FLT1: variants seen among roughly 807,000 people sequenced by gnomAD.
FLT1 encodes vascular endothelial growth factor receptor 1.
FLT1 carries 49 observed loss-of-function variants against 156.3 expected under a neutral mutation model. That is an observed-to-expected ratio of 0.31 (90% CI 0.25 to 0.40). The LOEUF is 0.40. Ranked by LOEUF, FLT1 falls within the 10% of genes least tolerant of loss-of-function variation. The probability of loss-of-function intolerance (pLI) is 1.00; values close to 1 mark genes in which losing one functional copy is unlikely to be tolerated. For synonymous variants in FLT1, 594 were observed against 583.8 expected, an observed-to-expected ratio of 1.02 and a Z score of -0.25; for missense variants, 1,322 against 1,637.2, an observed-to-expected ratio of 0.81 and a Z score of 3.32.
In FLT1 at chr13:28,379,491, C is replaced by T. The variant is rs76427066; in HGVS notation, c.2116+5394G>A. ...AAAGTGAGGAAGAGTGGTGTCAGGG[C>T]GCAGCAGGAAGTTAGTGCTAACGAG... On this transcript the variant is annotated intron_variant, in intron 14 of 29. Coordinates refer to ENST00000282397, the MANE Select transcript of FLT1 (RefSeq NM_002019.4). Among the ~76,000 whole-genome samples, 985 of 152,180 alleles carry T rather than the reference C, an allele frequency of 6.5e-3. 14 individuals are homozygous for T. In the East Asian group the frequency reaches 0.066, roughly 10 times the overall value.
At chr13:28,412,329 C>CTTTCTTTTCTTTCTTTCT (rs775271915) in intron 10 of FLT1, among the ~76,000 whole-genome samples, 1,500 of 88,956 alleles carry the variant, frequency 0.017, 59 homozygotes, top group African/African-American at 0.032. Flanking sequence ...TTCTTTCTTT[C>CTTTCTTTTCTTTCTTTCT]TTTTCTTTCT....
intron 1 of FLT1, among the ~76,000 whole-genome samples, chr13:28,487,041 A>C (rs924917586): frequency 6.6e-6 from 1 of 152,200 alleles, no homozygotes; most frequent in Non-Finnish European, 1.5e-5. Flanking sequence ...CTAGTTTTGC[A>C]AGCCCACCAG....
chr13:28,472,397 G>A (rs1451249688), intron 1 of FLT1, among the ~76,000 whole-genome samples: 2 of 152,184 alleles, frequency 1.3e-5, no homozygotes, highest in Non-Finnish European at 2.9e-5. Flanking sequence ...AACTCCCACT[G>A]GAGGTCATTA....
chr13:28,488,310 G>T (rs189551269), intron 1 of FLT1, among the ~76,000 whole-genome samples: 4 of 152,270 alleles, frequency 2.6e-5, no homozygotes, highest in Admixed American at 6.5e-5. Flanking sequence ...TGAGGCACAA[G>T]AATCATTTGA....
intron 14 of FLT1, among the ~76,000 whole-genome samples, chr13:28,371,083 C>T (rs750340347): frequency 1.7e-4 from 26 of 152,144 alleles, no homozygotes; most frequent in Admixed American, 5.2e-4. Flanking sequence ...CATAGAAAGA[C>T]CTCCAAGATA....
intron 5 of FLT1, 39 bp from the exon 6 acceptor site, chr13:28,433,994 T>C: frequency 6.2e-7 from 1 of 1,613,964 alleles, no homozygotes; most frequent in Non-Finnish European, 8.5e-7. Context: ...AATTAAGATT[T>C]CATTACACAG....
rs1275775894 is a variant in FLT1 at position 28,303,299 on chromosome 13, G to A, written c.3885C>T (p.Ser1295=). 2 of 1,613,962 alleles carry A rather than the reference G, an allele frequency of 1.2e-6. No individual in the cohort carries two copies. The highest frequency in any genetic ancestry group is 2.7e-5 in the African/African-American group (2 of 74,870). ...SDVSRPSFCH[S]SCGHVSEGKR... Reference sequence around the variant, plus strand: ...TGCCTTCGCTGACGTGCCCACAGCTGGAATGGCAGAAACTGGGCCTGCTGA... The same window carrying A: ...TGCCTTCGCTGACGTGCCCACAGCTAGAATGGCAGAAACTGGGCCTGCTGA... Residue 1295 remains serine, a synonymous_variant, in exon 30 of 30, where the codon TCC becomes TCT. Transcript: ENST00000282397.
intron 10 of FLT1, among the ~76,000 whole-genome samples, chr13:28,417,467 C>A (rs1185933038): frequency 6.6e-6 from 1 of 151,968 alleles, no homozygotes; most frequent in African/African-American, 2.4e-5. Flanking sequence ...GCTCGTTTGG[C>A]CAGATTATAA....
At chr13:28,359,573 G>A (rs921149974) in intron 14 of FLT1, among the ~76,000 whole-genome samples, 16 of 152,050 alleles carry the variant, frequency 1.1e-4, no homozygotes, top group Admixed American at 9.2e-4. Context: ...GCACAGCAAA[G>A]GAAACAATTA....
rs1251995636 is a variant in FLT1 at position 28,387,098 on chromosome 13, A to G, written c.1970-2067T>C. On this transcript the variant is annotated intron_variant, in intron 13 of 29. Transcript: ENST00000282397. The stretch of plus-strand genomic sequence containing the variant: ...TAAAGAGAAGAGAACATTTTAACAT[A>G]AATGTCATTAAGAATCCCAAAGGCC... 3 of 1,035,276 alleles carry G rather than the reference A, an allele frequency of 2.9e-6. No individual in the cohort carries two copies. The East Asian group carries it at 1.8e-4, about 62-fold the overall frequency. 64.1% of individuals were successfully genotyped at this position (1,035,276 alleles called of 1,614,324 possible). A position where few individuals can be genotyped will look rare whatever the true frequency, so the allele number is the denominator to read the frequency against.
In FLT1 at chr13:28,322,910, T is replaced by G; in HGVS notation, c.2833A>C (p.Met945Leu). 1.2e-6 allele frequency: 2 copies of G among 1,614,148 alleles called. No individual in the cohort carries two copies. The highest frequency in any genetic ancestry group is 1.1e-5 in the South Asian group (1 of 91,080). Reference protein sequence around the residue: ...ALHMEPKKEKMEPGLEQGKKP... With the variant: ...ALHMEPKKEKLEPGLEQGKKP... ...TTGCCTTGTTCCAGGCCTGGCTCCA[T>G]TTTTTCTTTCTTAGGCTCCATGTGT... The change falls in exon 21 of 30, where the codon ATG (methionine) becomes CTG (leucine). Residue 945 changes from methionine (M) to leucine (L), a missense_variant. Physicochemically the swap from Met to Leu is conservative, Grantham distance 15 (BLOSUM62 2). Around this residue, in one of 3 missense-constraint regions of FLT1, gnomAD observed 991 missense variants for 1,254.8 expected, o/e 0.79. Transcript: ENST00000282397. This position sits in a 1 kb window ranked among gnomAD's most constrained non-coding sequence, Gnocchi z 4.3.
intron 12 of FLT1, among the ~76,000 whole-genome samples, chr13:28,390,570 A>T (rs1202996279): frequency 1.3e-5 from 2 of 152,068 alleles, no homozygotes; most frequent in East Asian, 3.9e-4. Context: ...TAATTTTTGT[A>T]CTTTTTGGTG....
chr13:28,315,732 T>G (rs1402395030), intron 25 of FLT1, among the ~76,000 whole-genome samples: 1 of 152,218 alleles, frequency 6.6e-6, no homozygotes, highest in Admixed American at 6.5e-5. Context: ...TTTCAGACTA[T>G]ATGAAGATTG....
chr13:28,473,905 G>T (rs1460738428), intron 1 of FLT1, among the ~76,000 whole-genome samples: 4 of 151,966 alleles, frequency 2.6e-5, no homozygotes, highest in Non-Finnish European at 5.9e-5. Flanking sequence ...ATAAAATATG[G>T]CAGATCCTTA....
chr13:28,397,883 T>C (rs1417926146), intron 11 of FLT1, among the ~76,000 whole-genome samples: 1 of 152,054 alleles, frequency 6.6e-6, no homozygotes, highest in Non-Finnish European at 1.5e-5. Flanking sequence ...ATTATATTGT[T>C]CCACTAGACT....
At chr13:28,421,899 G>A (rs899952294) in intron 10 of FLT1, among the ~76,000 whole-genome samples, 1 of 152,172 alleles carries the variant, frequency 6.6e-6, no homozygotes, top group African/African-American at 2.4e-5. Context: ...TTAAAGAACT[G>A]GCCAAGGTCA....
Position 28,467,500 on chromosome 13 carries a change from CA to C in FLT1, c.161+20del. 6.5e-7 allele frequency: 1 copy of C among 1,532,540 alleles called. No homozygotes were observed. The allele number at this position is 1,532,540 out of a possible 1,614,324, so 94.9% of individuals were successfully genotyped here. ...TTAGGCATGGCAACTAGATTATTCC[CA>C]AACCAACACAGCCACTTACCTGCAT... On this transcript the variant is annotated intron_variant, in intron 2 of 29. Coordinates refer to ENST00000282397, the MANE Select transcript of FLT1 (RefSeq NM_002019.4).
chr13:28,476,501 G>A (rs1880555963), intron 1 of FLT1, among the ~76,000 whole-genome samples: 1 of 152,174 alleles, frequency 6.6e-6, no homozygotes, highest in Non-Finnish European at 1.5e-5. Context: ...CTGCTGTCCA[G>A]CAACATTATA....
At chr13:28,434,738 C>T (rs2137554276) in intron 4 of FLT1, among the ~76,000 whole-genome samples, 1 of 152,278 alleles carries the variant, frequency 6.6e-6, no homozygotes, top group South Asian at 2.1e-4. Context: ...CAAAAATTAG[C>T]TGGGCATTGT....
Sources: allele counts gnomAD v4.1 joint callset (sites outside exome capture counted in the v4.1 genomes callset), GRCh38; gene constraint gnomAD v4.1.1; regional missense constraint gnomAD v4.1.1; non-coding constraint Gnocchi (gnomAD v3.1); transcripts MANE v1.5; gene names NCBI Gene and HGNC (gene_info 2026-07-23, HGNC 2026-07-21).